FBXL13: variants seen among roughly 807,000 people sequenced by gnomAD.
The protein encoded by FBXL13 is F-box and leucine rich repeat protein 13.
In FBXL13, 67 loss-of-function variants were observed where a neutral mutation model predicts 83.6. That is an observed-to-expected ratio of 0.80 (90% CI 0.66 to 0.98). The LOEUF is 0.98. FBXL13 is among the 50% of genes least tolerant of loss of function. The pLI, the probability that FBXL13 is intolerant of heterozygous loss-of-function variation, is 0.00. For synonymous variants in FBXL13, 272 were observed against 299.5 expected (o/e 0.91, Z 0.95); for missense variants, 822 against 866.5 (o/e 0.95, Z 0.64).
At chr7:102,936,915 G>GTT (rs11422557) in intron 8 of FBXL13, among the ~76,000 whole-genome samples, 2 of 151,770 alleles carry the variant, frequency 1.3e-5, no homozygotes, top group South Asian at 4.2e-4. Context: ...CTGCTTTTGT[G>GTT]TTTTTTTCCT....
At chr7:103,060,045 T>TACAC (rs1563286507) in intron 1 of FBXL13, among the ~76,000 whole-genome samples, 26 of 98,938 alleles carry the variant, frequency 2.6e-4, no homozygotes, top group African/African-American at 1.2e-3. Flanking sequence ...TATATATATA[T>TACAC]ATATATATAT....
At chr7:102,950,474 C>T (rs1823238242) in intron 8 of FBXL13, among the ~76,000 whole-genome samples, 1 of 152,216 alleles carries the variant, frequency 6.6e-6, no homozygotes, top group Admixed American at 6.5e-5. Context: ...ACAGCACATA[C>T]TCTTACCATA....
intron 8 of FBXL13, among the ~76,000 whole-genome samples, chr7:102,932,184 G>A (rs944191469): frequency 2.6e-5 from 4 of 152,082 alleles, no homozygotes; most frequent in South Asian, 2.1e-4. Context: ...ATATTACTTT[G>A]GGAAAAACAC....
chr7:103,023,280 A>T (rs1793437348), intron 6 of FBXL13, among the ~76,000 whole-genome samples: 1 of 152,180 alleles, frequency 6.6e-6, no homozygotes, highest in Non-Finnish European at 1.5e-5. Flanking sequence ...CGTCTCAAAC[A>T]AAACAAAACA....
At chr7:102,828,306 G>T (rs1800087994) in intron 18 of FBXL13, among the ~76,000 whole-genome samples, 1 of 152,110 alleles carries the variant, frequency 6.6e-6, no homozygotes, top group Non-Finnish European at 1.5e-5. Context: ...CACGTCCCTT[G>T]TAAGTTGGAT....
chr7:102,934,086 C>T (rs780492276), intron 8 of FBXL13: 49 of 1,614,202 alleles, frequency 3.0e-5, no homozygotes, highest in Non-Finnish European at 3.8e-5. Flanking sequence ...GACGTGTACA[C>T]ATATCTCCAT....
chr7:103,037,174 T>C (rs1231840320), intron 2 of FBXL13, among the ~76,000 whole-genome samples: 1 of 152,212 alleles, frequency 6.6e-6, no homozygotes, highest in Non-Finnish European at 1.5e-5. Context: ...TTTTACTCCT[T>C]CCTGATTACA....
chr7:103,058,567 C>T (rs1797559571), intron 1 of FBXL13, among the ~76,000 whole-genome samples: 1 of 152,226 alleles, frequency 6.6e-6, no homozygotes, highest in African/African-American at 2.4e-5. Flanking sequence ...CTCCAGAGTA[C>T]TGAGTTTTTG....
At chr7:102,923,607 G>C (rs887896611) in intron 10 of FBXL13, among the ~76,000 whole-genome samples, 2 of 150,576 alleles carry the variant, frequency 1.3e-5, no homozygotes, top group African/African-American at 4.9e-5. Context: ...CGGATCACGA[G>C]GTCAGGAGTT....
intron 11 of FBXL13, among the ~76,000 whole-genome samples, chr7:102,905,459 G>A (rs562439641): frequency 6.6e-6 from 1 of 151,988 alleles, no homozygotes; most frequent in East Asian, 1.9e-4. Flanking sequence ...TCATTGGCAT[G>A]GAATATCTTT....
chr7:102,956,222 G>C (rs1008534115), intron 8 of FBXL13, among the ~76,000 whole-genome samples: 1 of 152,112 alleles, frequency 6.6e-6, no homozygotes, highest in African/African-American at 2.4e-5. Flanking sequence ...TGCAAGGCTG[G>C]TTCAACATAT....
intron 1 of FBXL13, among the ~76,000 whole-genome samples, chr7:103,069,083 C>A (rs891150028): frequency 2.1e-5 from 3 of 140,052 alleles, no homozygotes; most frequent in Non-Finnish European, 3.1e-5. Flanking sequence ...CGCCCCACCA[C>A]CTGGGAAGTG....
rs1369593687 is a variant in FBXL13, at chr7:103,055,761, G to C, written c.-104-14C>G. ...ACATAACAGTGCCTAGGGGAAAAAAGGGAAATGGCATCAATGTTTCTGAAT... is the reference window on the plus strand; with the variant it reads ...ACATAACAGTGCCTAGGGGAAAAAACGGAAATGGCATCAATGTTTCTGAAT... On this transcript the variant is annotated splice_polypyrimidine_tract_variant and intron_variant, in intron 1 of 19. Transcript: ENST00000313221. 1 of 1,126,288 alleles carries C rather than the reference G, an allele frequency of 8.9e-7. No individual in the cohort carries two copies. Among genetic ancestry groups the C allele is most frequent in the South Asian group, 1.4e-5 (1 of 71,104 alleles). The allele number at this position is 1,126,288 out of a possible 1,614,324, so 69.8% of individuals were successfully genotyped here. A position where few individuals can be genotyped will look rare whatever the true frequency, so the allele number is the denominator to read the frequency against.
In FBXL13 at chr7:102,951,883, GT is replaced by G. The variant is rs375983819; in HGVS notation, c.724+11649del. Among the ~76,000 whole-genome samples the G allele has an allele frequency of 3.4e-4, 51 of 151,128 alleles. No individual in the cohort carries two copies. The Middle Eastern group carries it at 0.01, about 31-fold the overall frequency. On this transcript the variant is annotated intron_variant, in intron 8 of 19. Coordinates refer to ENST00000313221, the Ensembl canonical transcript of FBXL13. Reference sequence around the variant, plus strand: ...AAATAGAGAATTAATAAAAATAAGGGTTTTTTTGAATATCCATATTTATAGT... The same window carrying G: ...AAATAGAGAATTAATAAAAATAAGGGTTTTTTGAATATCCATATTTATAGT...
chr7:103,012,308 G>A (rs998152916), intron 6 of FBXL13, among the ~76,000 whole-genome samples: 1 of 151,260 alleles, frequency 6.6e-6, no homozygotes, highest in African/African-American at 2.4e-5. Context: ...CCAGGAGGCG[G>A]AGATTGCAGT....
chr7:103,031,037 G>A (rs982271508), intron 2 of FBXL13: 1 of 152,124 alleles, frequency 6.6e-6, no homozygotes, highest in Non-Finnish European at 1.5e-5. Context: ...ATTATTATTG[G>A]TATATATTCT....
intron 10 of FBXL13, among the ~76,000 whole-genome samples, chr7:102,914,452 T>G (rs947559760): frequency 6.6e-6 from 1 of 152,168 alleles, no homozygotes; most frequent in Non-Finnish European, 1.5e-5. Context: ...TCTTAGTTTG[T>G]GATATGCAAC....
At chr7:103,046,368 T>A (rs1458057667) in intron 2 of FBXL13, among the ~76,000 whole-genome samples, 1 of 152,236 alleles carries the variant, frequency 6.6e-6, no homozygotes, top group African/African-American at 2.4e-5. Flanking sequence ...AGGGATACAT[T>A]TCTAATTATT....
intron 18 of FBXL13, among the ~76,000 whole-genome samples, chr7:102,824,920 C>T (rs1444150748): frequency 1.3e-5 from 2 of 151,764 alleles, no homozygotes; most frequent in Non-Finnish European, 2.9e-5. Context: ...CACCAAACCT[C>T]GCTTTCATCT....
Sources: allele counts gnomAD v4.1 joint callset (sites outside exome capture counted in the v4.1 genomes callset), GRCh38; gene constraint gnomAD v4.1.1; transcripts MANE v1.5; gene names NCBI Gene and HGNC (gene_info 2026-07-23, HGNC 2026-07-21).